GTF3C3: variants seen among roughly 807,000 people sequenced by gnomAD.
GTF3C3 encodes the protein general transcription factor 3C polypeptide 3.
A neutral mutation model predicts 105.2 loss-of-function variants in GTF3C3; 75 were observed. The observed-to-expected ratio is 0.71, with a 90% CI of 0.59 to 0.86. GTF3C3 has a LOEUF of 0.86. Ranked by LOEUF, GTF3C3 falls within the 40% of genes least tolerant of loss-of-function variation. The pLI is 0.00. For missense variants in GTF3C3, 856 were observed against 1,076.5 expected (o/e 0.80, Z 2.87); for synonymous variants, 335 against 370.4 (o/e 0.90, Z 1.10).
chr2:196,793,290 A>C, intron 2 of GTF3C3, 138 bp from the exon 3 acceptor site: 1 of 624,740 alleles, frequency 1.6e-6, no homozygotes, highest in South Asian at 2.2e-5. Context: ...AACACCCTCA[A>C]AAACCAAACC....
Position 196,780,603 on chromosome 2 carries a change from A to G in GTF3C3, c.1174T>C (p.Leu392=), listed in dbSNP as rs1386184753. Residue 392 remains leucine (L), a synonymous_variant, in exon 9 of 18, where the codon TTG becomes CTG. Transcript: ENST00000263956. ...TTGAGATGTACAAGGCAGACCATCA[A>G]CTTCACTGTGATATCTATTGGCACG... ...DGVPIDITVK[L]MVCLVHLNIL... 6.2e-7 allele frequency: 1 copy of G among 1,613,700 alleles called. No individual in the cohort carries two copies. Among genetic ancestry groups the G allele is most frequent in the Non-Finnish European group, 8.5e-7 (1 of 1,179,722 alleles).
Position 196,799,618 on chromosome 2 carries a change from A to G in GTF3C3, c.-7T>C. The G allele has an allele frequency of 6.2e-7, 1 of 1,603,466 alleles. No homozygotes were observed. Among genetic ancestry groups the G allele is most frequent in the Non-Finnish European group, 8.5e-7 (1 of 1,170,334 alleles). On this transcript the variant is annotated 5_prime_UTR_variant, in exon 1 of 18. Coordinates refer to ENST00000263956, the MANE Select transcript of GTF3C3 (RefSeq NM_012086.5). ...CCGGACTGAACCCTGACATGTTTACAGGGTCTGTCTGTGCAACCCCAGGAA... is the reference window on the plus strand; with the variant it reads ...CCGGACTGAACCCTGACATGTTTACGGGGTCTGTCTGTGCAACCCCAGGAA...
chr2:196,784,114 G>A (rs1699414705), intron 8 of GTF3C3, among the ~76,000 whole-genome samples: 2 of 152,078 alleles, frequency 1.3e-5, no homozygotes, highest in Non-Finnish European at 2.9e-5. Flanking sequence ...CATAATGATG[G>A]AATTTTTAGG....
Position 196,786,790 on chromosome 2 carries a change from CTCT to C in GTF3C3, c.894-1205_894-1203del. Among the ~76,000 whole-genome samples the C allele has an allele frequency of 6.6e-6, 1 of 152,022 alleles. No homozygotes were observed. Among genetic ancestry groups the C allele is most frequent in the East Asian group, 1.9e-4 (1 of 5,174 alleles). On this transcript the variant is annotated intron_variant, in intron 6 of 17. Transcript: ENST00000263956. This position sits in a 1 kb window ranked among gnomAD's most constrained non-coding sequence, Gnocchi z 4.2. ...ACCGTCTCCAATGCCTCTTTCCATT[CTCT>C]TTTTAACCTAATCCAATCAACTTTT...
In GTF3C3 at chr2:196,772,906, G is replaced by A. The variant is rs375759341; in HGVS notation, c.2069+10C>T. On this transcript the variant is annotated intron_variant, in intron 14 of 17. Transcript: ENST00000263956. ...AAGAATCTAATTAAAATAAATAACTGGGAAATCACCTGATATAGTTGTATG... is the reference window on the plus strand; with the variant it reads ...AAGAATCTAATTAAAATAAATAACTAGGAAATCACCTGATATAGTTGTATG... 1.0e-4 allele frequency: 130 copies of A among 1,260,364 alleles called. No homozygotes were observed. In the African/African-American group the frequency reaches 1.9e-3, roughly 19 times the overall value. 78.1% of individuals were successfully genotyped at this position (1,260,364 alleles called of 1,614,324 possible). A position where few individuals can be genotyped will look rare whatever the true frequency, so the allele number is the denominator to read the frequency against.
intron 1 of GTF3C3, 159 bp downstream of exon 1, chr2:196,799,351 G>A (rs1169696454): frequency 2.9e-5 from 18 of 620,844 alleles, no homozygotes; most frequent in Non-Finnish European, 2.3e-5. Flanking sequence ...CTTAGCACAG[G>A]GATGAGGGGT....
chr2:196,764,349 A>G lies in GTF3C3; in HGVS notation c.*214T>C. Reference sequence around the variant, plus strand: ...GGGAACAATTCACTATAGAATGTGAAAGGAAAATGACAGACCAATATACAA... The same window carrying G: ...GGGAACAATTCACTATAGAATGTGAGAGGAAAATGACAGACCAATATACAA... On this transcript the variant is annotated 3_prime_UTR_variant, in exon 18 of 18. Coordinates refer to ENST00000263956, the MANE Select transcript of GTF3C3 (RefSeq NM_012086.5). The G allele has an allele frequency of 2.4e-6, 1 of 414,418 alleles. No homozygotes were observed. The highest frequency in any genetic ancestry group is 4.3e-6 in the Non-Finnish European group (1 of 232,724). The allele number at this position is 414,418 out of a possible 1,614,324, so 25.7% of individuals were successfully genotyped here. A position where few individuals can be genotyped will look rare whatever the true frequency, so the allele number is the denominator to read the frequency against.
chr2:196,764,718 T>G, intron 17 of GTF3C3, 33 bp from the exon 18 acceptor site: 1 of 1,579,092 alleles, frequency 6.3e-7, no homozygotes, highest in Admixed American at 1.8e-5. Flanking sequence ...ATGTTTAATA[T>G]TTCCAACTGT....
chr2:196,790,414 CAG>C (rs1323251695), intron 4 of GTF3C3, among the ~76,000 whole-genome samples: 1 of 152,144 alleles, frequency 6.6e-6, no homozygotes, highest in East Asian at 1.9e-4. Context: ...CCAGCCACAT[CAG>C]TGGGGTTGAA....
At chr2:196,796,775 C>T (rs752485363) in intron 2 of GTF3C3, among the ~76,000 whole-genome samples, 16 of 152,174 alleles carry the variant, frequency 1.1e-4, no homozygotes, top group Non-Finnish European at 1.9e-4. Context: ...GGTGTTTGGT[C>T]TTCTGTTCCT....
intron 17 of GTF3C3, 65 bp from the exon 18 acceptor site, chr2:196,764,750 A>C (rs904759756): frequency 7.1e-7 from 1 of 1,409,812 alleles, no homozygotes; most frequent in African/African-American, 1.4e-5. Context: ...ATTTTATGGC[A>C]AATTAATAGT....
At position 196,781,354 on chromosome 2, in the gene GTF3C3, AAAAATAT is replaced by A. The variant is rs1187261490; in HGVS notation, c.1115-699_1115-693del. Among the ~76,000 whole-genome samples the A allele has an allele frequency of 1.3e-3, 108 of 84,044 alleles. 1 individual carries two copies. The highest frequency in any genetic ancestry group is 2.2e-3 in the South Asian group (5 of 2,262). 55.1% of individuals were successfully genotyped at this position (84,044 alleles called of 152,430 possible). A position where few individuals can be genotyped will look rare whatever the true frequency, so the allele number is the denominator to read the frequency against. On this transcript the variant is annotated intron_variant, in intron 8 of 17. Coordinates refer to ENST00000263956, the MANE Select transcript of GTF3C3 (RefSeq NM_012086.5). ...AAAATGTTAAGGGGAAAAAAAAAAAAAAAATATATATATATATATATATATATATATA... is the reference window on the plus strand; with the variant it reads ...AAAATGTTAAGGGGAAAAAAAAAAAAATATATATATATATATATATATATA...
intron 6 of GTF3C3, among the ~76,000 whole-genome samples, chr2:196,787,661 CCT>C (rs1000175949): frequency 3.9e-5 from 6 of 152,144 alleles, no homozygotes; most frequent in Non-Finnish European, 8.8e-5. Context: ...AATTCCTATC[CCT>C]TTTTCCTGCT....
At chr2:196,781,408 TAAG>T (rs1303794053) in intron 8 of GTF3C3, among the ~76,000 whole-genome samples, 11 of 105,866 alleles carry the variant, frequency 1.0e-4, no homozygotes, top group South Asian at 6.5e-4. Flanking sequence ...AATACAAACT[TAAG>T]AAGCAATACA....
intron 1 of GTF3C3, 160 bp downstream of exon 1, chr2:196,799,350 G>A (rs1271028769): frequency 1.6e-6 from 1 of 619,448 alleles, no homozygotes. Context: ...GCTTAGCACA[G>A]GGATGAGGGG....
chr2:196,769,863 A>G, intron 16 of GTF3C3, 52 bp downstream of exon 16: 1 of 1,458,696 alleles, frequency 6.9e-7, no homozygotes, highest in South Asian at 1.2e-5. Context: ...TATTAAGTAT[A>G]TTCATTTTTA....
chr2:196,766,803 C>A, intron 16 of GTF3C3, 86 bp from the exon 17 acceptor site: 1 of 1,043,096 alleles, frequency 9.6e-7, no homozygotes, highest in Non-Finnish European at 1.4e-6. Context: ...GCTGAAAATA[C>A]AAATATTTTT....
chr2:196,772,601 C>T (rs1483316898), intron 14 of GTF3C3, among the ~76,000 whole-genome samples: 1 of 152,048 alleles, frequency 6.6e-6, no homozygotes, highest in Non-Finnish European at 1.5e-5. Context: ...ATTAAAAAGG[C>T]ATAACAACTC....
At chr2:196,799,403 A>G in intron 1 of GTF3C3, 107 bp downstream of exon 1, 1 of 798,120 alleles carries the variant, frequency 1.3e-6, no homozygotes, top group Non-Finnish European at 2.1e-6. Flanking sequence ...AGCTGCTGAA[A>G]GTTCCCAGCC....
Sources: allele counts gnomAD v4.1 joint callset (sites outside exome capture counted in the v4.1 genomes callset), GRCh38; gene constraint gnomAD v4.1.1; non-coding constraint Gnocchi (gnomAD v3.1); transcripts MANE v1.5; gene names NCBI Gene and HGNC (gene_info 2026-07-23, HGNC 2026-07-21).